Variants in GREB1L observed in about 807,000 individuals in gnomAD.
GREB1L encodes GREB1-like protein.
In GREB1L, 17 loss-of-function variants were observed where a neutral mutation model predicts 200.8. The ratio of observed to expected loss-of-function variants is 0.08; its 90% CI spans 0.06 to 0.13. The LOEUF (loss-of-function observed/expected upper bound fraction) is 0.13, where lower values mean the gene tolerates loss of function less well. GREB1L is among the 10% of genes least tolerant of loss of function. GREB1L has a pLI of 1.00. For missense variants in GREB1L, 1,657 were observed against 2,367.7 expected, an observed-to-expected ratio of 0.70 and a Z score of 6.23; for synonymous variants, 789 against 893.0, an observed-to-expected ratio of 0.88 and a Z score of 2.08.
chr18:21,338,705 C>A (rs1295870878), intron 1 of GREB1L, among the ~76,000 whole-genome samples: 3 of 152,126 alleles, frequency 2.0e-5, no homozygotes, highest in Admixed American at 6.5e-5. Flanking sequence ...CACTTTTTAC[C>A]CCAAAATAAA....
At chr18:21,346,445 T>C (rs1235459181) in intron 1 of GREB1L, among the ~76,000 whole-genome samples, 2 of 151,856 alleles carry the variant, frequency 1.3e-5, no homozygotes, top group Non-Finnish European at 2.9e-5. Flanking sequence ...TAGGATCTAG[T>C]TGCAGCAATT....
intron 1 of GREB1L, among the ~76,000 whole-genome samples, chr18:21,335,745 G>A (rs972859003): frequency 2.7e-5 from 4 of 150,776 alleles, no homozygotes; most frequent in Non-Finnish European, 4.4e-5. Flanking sequence ...CTCACTGCAA[G>A]CTCCGCCTTC....
Position 21,515,507 on chromosome 18 carries a change from T to C in GREB1L, c.4992T>C (p.Tyr1664=), listed in dbSNP as rs1377926237. The stretch of plus-strand genomic sequence containing the variant: ...AAGCCACACCAAAAATTGTCCACTA[T>C]GCAATCTTGGGCATACAGAAATGGA... ...HIEATPKIVH[Y]AILGIQKWSS... is the part of the protein sequence containing the mutation. The change falls in exon 29 of 33, where the codon TAT becomes TAC. Residue 1664 remains tyrosine, a synonymous_variant. Coordinates refer to ENST00000424526, the MANE Select transcript of GREB1L (RefSeq NM_001142966.3). 1.3e-6 allele frequency: 2 copies of C among 1,551,720 alleles called. No homozygotes were observed. Among genetic ancestry groups the C allele is most frequent in the Non-Finnish European group, 1.7e-6 (2 of 1,146,984 alleles).
chr18:21,376,032 A>G (rs1055838435), intron 2 of GREB1L, among the ~76,000 whole-genome samples: 11 of 152,302 alleles, frequency 7.2e-5, no homozygotes, highest in African/African-American at 2.4e-4. Flanking sequence ...TCTGAAATCA[A>G]TGCTTTAATT....
intron 19 of GREB1L, among the ~76,000 whole-genome samples, chr18:21,494,282 G>A (rs1240107097): frequency 2.0e-5 from 3 of 152,162 alleles, no homozygotes; most frequent in African/African-American, 7.2e-5. Flanking sequence ...TATAATAAAA[G>A]ATTGGACAAC....
At position 21,525,564 on chromosome 18, in the gene GREB1L, G is replaced by GTAGA. The variant is rs1468103660; in HGVS notation, c.*2746_*2749dup. 2.6e-5 allele frequency: 4 copies of GTAGA among 151,774 alleles called. No individual in the cohort carries two copies. Among genetic ancestry groups the GTAGA allele is most frequent in the Non-Finnish European group, 4.4e-5 (3 of 68,034 alleles). The allele number at this position is 151,774 out of a possible 1,614,324, so 9.4% of individuals were successfully genotyped here. On this transcript the variant is annotated 3_prime_UTR_variant, in exon 33 of 33. Coordinates refer to ENST00000424526, the MANE Select transcript of GREB1L (RefSeq NM_001142966.3). ...TAAAGAGGTGTTGAAAACATACATA[G>GTAGA]TAGATACCAATCTTTTATTTGACAG...
intron 7 of GREB1L, among the ~76,000 whole-genome samples, chr18:21,424,219 A>G (rs2032385551): frequency 6.6e-6 from 1 of 152,198 alleles, no homozygotes. Flanking sequence ...TTATTGTGAT[A>G]TTAGTCACAG....
chr18:21,444,249 T>C lies in GREB1L; in HGVS notation c.1233T>C (p.Tyr411=). 6.4e-7 allele frequency: 1 copy of C among 1,551,438 alleles called. No homozygotes were observed. The highest frequency in any genetic ancestry group is 8.7e-7 in the Non-Finnish European group (1 of 1,146,650). The change falls in exon 11 of 33, where the codon TAT becomes TAC. Residue 411 remains tyrosine, a synonymous_variant. Coordinates refer to ENST00000424526, the MANE Select transcript of GREB1L (RefSeq NM_001142966.3). ...LIGYGTLPYF[Y]GNVGDIVVSP... is the part of the protein sequence containing the mutation. ...GCTATGGCACTTTACCCTATTTCTA[T>C]GGAAATGTTGGTGACATTGTTGTGA...
At chr18:21,345,826 C>G (rs998174403) in intron 1 of GREB1L, among the ~76,000 whole-genome samples, 22 of 146,782 alleles carry the variant, frequency 1.5e-4, no homozygotes, top group Non-Finnish European at 2.7e-4. Flanking sequence ...GAGCTGAGAT[C>G]ATGCCATTGC....
At chr18:21,244,998 A>G (rs1300171623) in intron 1 of GREB1L, among the ~76,000 whole-genome samples, 1 of 152,206 alleles carries the variant, frequency 6.6e-6, no homozygotes, top group East Asian at 1.9e-4. Flanking sequence ...TAGCTAAGAT[A>G]TTTTAGTTAC....
chr18:21,456,694 T>G (rs1397749174), intron 15 of GREB1L, among the ~76,000 whole-genome samples: 1 of 152,192 alleles, frequency 6.6e-6, no homozygotes, highest in African/African-American at 2.4e-5. Context: ...AAATGACTTG[T>G]TGGAAATATC....
At chr18:21,279,003 A>C (rs1282699135) in intron 1 of GREB1L, among the ~76,000 whole-genome samples, 2 of 152,166 alleles carry the variant, frequency 1.3e-5, no homozygotes, top group African/African-American at 4.8e-5. Flanking sequence ...TTTCCTGACA[A>C]ATACCTTATT....
intron 1 of GREB1L, among the ~76,000 whole-genome samples, chr18:21,272,773 A>G (rs1334619219): frequency 1.3e-5 from 2 of 152,248 alleles, no homozygotes; most frequent in Non-Finnish European, 2.9e-5. Context: ...TTTAATCACC[A>G]GGGCCTAATG....
chr18:21,340,790 G>A (rs575717551), intron 1 of GREB1L, among the ~76,000 whole-genome samples: 5 of 152,152 alleles, frequency 3.3e-5, no homozygotes, highest in African/African-American at 4.8e-5. Context: ...TGATCCACCC[G>A]CCTGGGCCTC....
intron 1 of GREB1L, among the ~76,000 whole-genome samples, chr18:21,265,172 G>GT (rs1374185566): frequency 1.3e-5 from 2 of 151,994 alleles, no homozygotes; most frequent in East Asian, 3.9e-4. Flanking sequence ...AGTAAGATCA[G>GT]TTTTTTTTAA....
chr18:21,247,499 C>G (rs2143870170), intron 1 of GREB1L, among the ~76,000 whole-genome samples: 1 of 152,214 alleles, frequency 6.6e-6, no homozygotes, highest in African/African-American at 2.4e-5. Context: ...AAGCAAGCAC[C>G]AGTTGTGTCC....
chr18:21,520,837 A>C lies in GREB1L; in HGVS notation c.5608+14A>C. 1 of 1,522,702 alleles carries C rather than the reference A, an allele frequency of 6.6e-7. No individual in the cohort carries two copies. Among genetic ancestry groups the C allele is most frequent in the Non-Finnish European group, 8.8e-7 (1 of 1,130,802 alleles). The allele number at this position is 1,522,702 out of a possible 1,614,324, so 94.3% of individuals were successfully genotyped here. The stretch of plus-strand genomic sequence containing the variant: ...AATTTCTAAAAGGTAAGTCAAATTT[A>C]GTATCTTGCTTGTAATTGCTATTGG... On this transcript the variant is annotated intron_variant, in intron 32 of 32. Coordinates refer to ENST00000424526, the MANE Select transcript of GREB1L (RefSeq NM_001142966.3).
intron 1 of GREB1L, among the ~76,000 whole-genome samples, chr18:21,326,412 A>G (rs557610369): frequency 6.6e-6 from 1 of 152,312 alleles, no homozygotes; most frequent in African/African-American, 2.4e-5. Context: ...TCTAGGTCCA[A>G]GATGGTGTCA....
At chr18:21,481,485 A>G (rs1210089667) in intron 17 of GREB1L, among the ~76,000 whole-genome samples, 17 of 148,774 alleles carry the variant, frequency 1.1e-4, no homozygotes, top group East Asian at 2.0e-4. Context: ...GTGTATATAT[A>G]TATATATATA....
Sources: allele counts gnomAD v4.1 joint callset (sites outside exome capture counted in the v4.1 genomes callset), GRCh38; gene constraint gnomAD v4.1.1; transcripts MANE v1.5; gene names NCBI Gene and HGNC (gene_info 2026-07-23, HGNC 2026-07-21).